The following NUTM2F variants were observed in gnomAD, a reference collection of about 807,000 sequenced individuals.
NUTM2F encodes the protein family with sequence similarity 22, member F.
A neutral mutation model predicts 43.3 loss-of-function variants in NUTM2F; 22 were observed. The observed-to-expected ratio is 0.51, with a 90% CI of 0.36 to 0.73. The LOEUF (loss-of-function observed/expected upper bound fraction) is 0.73. NUTM2F is among the 30% of genes least tolerant of loss of function. NUTM2F has a pLI of 0.00. For synonymous variants in NUTM2F, 202 were observed against 389.0 expected (o/e 0.52, Z 5.66); for missense variants, 488 against 927.4 (o/e 0.53, Z 6.15).
At chr9:94,324,996 A>G (rs533603926) in intron 2 of NUTM2F, among the ~76,000 whole-genome samples, 27 of 145,550 alleles carry the variant, frequency 1.9e-4, no homozygotes, top group African/African-American at 7.0e-4. Flanking sequence ...TCAAAAAAAA[A>G]AAAAAAATTA....
At position 94,320,312 on chromosome 9, in the gene NUTM2F, T is replaced by C. The variant is rs758144739; in HGVS notation, c.1264A>G (p.Lys422Glu). 1.2e-5 allele frequency: 20 copies of C among 1,613,878 alleles called. No homozygotes were observed. The highest frequency in any genetic ancestry group is 1.0e-4 in the Admixed American group (6 of 60,016). Residue 422 changes from lysine to glutamate, a missense_variant, in exon 5 of 7, where the codon AAG becomes GAG. Physicochemically the swap from Lys to Glu is moderately conservative, Grantham distance 56. Transcript: ENST00000253262. The surrounding 1 kb of genome is among the most constrained non-coding windows in gnomAD (Gnocchi z 4.5). ...DTGEPEGQRE[K>E]GKVEQPQEED... ...TCCTGCGGCTGCTCCACTTTGCCCT[T>C]TTCCCGTTGTCCCTCAGGCTCCCCT...
rs747124093 is a variant in NUTM2F, at chr9:94,320,513, T to C, written c.1063A>G (p.Lys355Glu). The C allele has an allele frequency of 9.9e-5, 160 of 1,611,368 alleles. No individual in the cohort carries two copies. Among genetic ancestry groups the C allele is most frequent in the Non-Finnish European group, 1.3e-4 (148 of 1,179,690 alleles). Reference protein sequence around the residue: ...PPRPQRPAETKAHLPPPRPQR... With the variant: ...PPRPQRPAETEAHLPPPRPQR... ...GGCCTGGGTGGTGGCAGGTGGGCCTTGGTCTCCGCTGGCCTCTGGGGCCTG... is the reference window on the plus strand; with the variant it reads ...GGCCTGGGTGGTGGCAGGTGGGCCTCGGTCTCCGCTGGCCTCTGGGGCCTG... The change falls in exon 5 of 7, where the codon AAG (lysine) becomes GAG (glutamate). Residue 355 changes from lysine to glutamate, a missense_variant. Physicochemically the swap from Lys to Glu is moderately conservative, Grantham distance 56. Coordinates refer to ENST00000253262, the MANE Select transcript of NUTM2F (RefSeq NM_017561.2). The surrounding 1 kb of genome is among the most constrained non-coding windows in gnomAD (Gnocchi z 4.5).
In NUTM2F at chr9:94,321,239, G is replaced by A. The variant is rs1193480881; in HGVS notation, c.843-7C>T. ...AGCCTCAAATTCCAGGAACCTGTGG[G>A]TGAAGGAGGCCCAGGCTGTGCTGAG... On this transcript the variant is annotated splice_region_variant and splice_polypyrimidine_tract_variant and intron_variant, in intron 3 of 6. Coordinates refer to ENST00000253262, the MANE Select transcript of NUTM2F (RefSeq NM_017561.2). 1 of 1,577,328 alleles carries A rather than the reference G, an allele frequency of 6.3e-7. No individual in the cohort carries two copies. The highest frequency in any genetic ancestry group is 8.5e-7 in the Non-Finnish European group (1 of 1,169,796).
In NUTM2F at chr9:94,325,751, C is replaced by T. The variant is rs1200570215; in HGVS notation, c.200G>A (p.Gly67Glu). Residue 67 changes from glycine to glutamate, a missense_variant, in exon 2 of 7, where the codon GGA becomes GAA. Transcript: ENST00000253262. The part of the protein sequence containing the change: ...SAFPSTPLVA[G>E]QDGRGPSGAG... The stretch of plus-strand genomic sequence containing the variant: ...CCCACTCGGGCCGCGGCCATCCTGT[C>T]CTGCCACTAGAGGGGTGCTGGGGAA... The T allele has an allele frequency of 6.2e-7, 1 of 1,612,048 alleles. No homozygotes were observed. Among genetic ancestry groups the T allele is most frequent in the Non-Finnish European group, 8.5e-7 (1 of 1,179,860 alleles).
chr9:94,320,960 A>G lies in NUTM2F; in HGVS notation c.982+133T>C, dbSNP rs530499022. 4,984 of 1,432,118 alleles carry G rather than the reference A, an allele frequency of 3.5e-3. 13 individuals carry two copies. The highest frequency in any genetic ancestry group is 4.3e-3 in the Non-Finnish European group (4,665 of 1,091,214). The allele number at this position is 1,432,118 out of a possible 1,614,324, so 88.7% of individuals were successfully genotyped here. A position where few individuals can be genotyped will look rare whatever the true frequency, so the allele number is the denominator to read the frequency against. ...TATTCACCTGGTCAATACCCAACAT[A>G]CACTCCCGGAAGCTGTCCTGTTGGA... On this transcript the variant is annotated intron_variant, in intron 4 of 6. Coordinates refer to ENST00000253262, the MANE Select transcript of NUTM2F (RefSeq NM_017561.2). The surrounding 1 kb of genome is among the most constrained non-coding windows in gnomAD (Gnocchi z 4.5).
chr9:94,320,903 G>C lies in NUTM2F; in HGVS notation c.982+190C>G, dbSNP rs1449814204. ...GGAAACTTGGCCCGGTCAATACCCT[G>C]CTTCGTGATCACGGGCCACCCATGA... On this transcript the variant is annotated intron_variant, in intron 4 of 6. Coordinates refer to ENST00000253262, the MANE Select transcript of NUTM2F (RefSeq NM_017561.2). The surrounding 1 kb of genome is among the most constrained non-coding windows in gnomAD (Gnocchi z 4.5). Among the ~76,000 whole-genome samples, 1 of 152,202 alleles carries C rather than the reference G, an allele frequency of 6.6e-6. No individual in the cohort carries two copies. Among genetic ancestry groups the C allele is most frequent in the Non-Finnish European group, 1.5e-5 (1 of 68,030 alleles).
chr9:94,321,169 G>A lies in NUTM2F; in HGVS notation c.906C>T (p.Pro302=). The change falls in exon 4 of 7, where the codon CCC becomes CCT. Residue 302 remains proline (P), a synonymous_variant. Coordinates refer to ENST00000253262, the MANE Select transcript of NUTM2F (RefSeq NM_017561.2). Reference sequence around the variant, plus strand: ...GCGGGGCTGGAGGAGGCAGGCTCTGGGGCCCCTTCATCCACTGCGATTTCT... The same window carrying A: ...GCGGGGCTGGAGGAGGCAGGCTCTGAGGCCCCTTCATCCACTGCGATTTCT... ...QIQKSQWMKG[P]QSLPPPAPPR... is the part of the protein sequence containing the mutation. 1.3e-6 allele frequency: 2 copies of A among 1,554,594 alleles called. No homozygotes were observed. Among genetic ancestry groups the A allele is most frequent in the South Asian group, 1.2e-5 (1 of 85,616 alleles).
At chr9:94,322,760 A>C (rs1313472629) in intron 2 of NUTM2F, among the ~76,000 whole-genome samples, 1 of 151,966 alleles carries the variant, frequency 6.6e-6, no homozygotes, top group Non-Finnish European at 1.5e-5. Context: ...ACAAGAGCAC[A>C]CAGCCAGAGG....
intron 2 of NUTM2F, among the ~76,000 whole-genome samples, chr9:94,324,389 A>G (rs1831421838): frequency 6.8e-6 from 1 of 146,906 alleles, no homozygotes; most frequent in East Asian, 2.1e-4. Context: ...AAAGCCAGGC[A>G]CGGTGGCTCA....
chr9:94,326,350 A>G (rs554538555), intron 1 of NUTM2F, among the ~76,000 whole-genome samples: 1 of 151,824 alleles, frequency 6.6e-6, no homozygotes, highest in Admixed American at 6.6e-5. Context: ...GAAGGCCGAC[A>G]GGAAACCAGA....
intron 1 of NUTM2F, among the ~76,000 whole-genome samples, chr9:94,326,341 A>G (rs1328426449): frequency 1.3e-5 from 2 of 151,630 alleles, no homozygotes; most frequent in Non-Finnish European, 2.9e-5. Context: ...CGGCATTCAG[A>G]AGGCCGACAG....
chr9:94,323,964 T>A (rs1831416238), intron 2 of NUTM2F, among the ~76,000 whole-genome samples: 1 of 152,010 alleles, frequency 6.6e-6, no homozygotes, highest in Non-Finnish European at 1.5e-5. Context: ...GGCACTGGGG[T>A]GTACACTCAA....
At chr9:94,322,752 A>C (rs1262497573) in intron 2 of NUTM2F, among the ~76,000 whole-genome samples, 1 of 151,942 alleles carries the variant, frequency 6.6e-6, no homozygotes, top group Admixed American at 6.6e-5. Context: ...TCTCAGCCAC[A>C]AGAGCACACA....
rs1001051285 is a variant in NUTM2F at position 94,320,790 on chromosome 9, C to T, written c.983-197G>A. Among the ~76,000 whole-genome samples the T allele has an allele frequency of 2.0e-5, 3 of 152,124 alleles. No individual in the cohort carries two copies. Among genetic ancestry groups the T allele is most frequent in the African/African-American group, 7.2e-5 (3 of 41,416 alleles). On this transcript the variant is annotated intron_variant, in intron 4 of 6. Transcript: ENST00000253262. The surrounding 1 kb of genome is among the most constrained non-coding windows in gnomAD (Gnocchi z 4.5). ...CGCTTGGGAGGAAGTTTGGAGCCAC[C>T]GATATGCCGTGTACTCTCCCCGCTC...
Position 94,319,072 on chromosome 9 carries a change from GCT to G in NUTM2F, c.1662_1663del (p.Ala555CysfsTer73), listed in dbSNP as rs1199782666. 2.3e-5 allele frequency: 21 copies of G among 927,934 alleles called. 1 individual carries two copies. The Admixed American group carries it at 5.2e-4, about 23-fold the overall frequency. 57.5% of individuals were successfully genotyped at this position (927,934 alleles called of 1,614,324 possible). A position where few individuals can be genotyped will look rare whatever the true frequency, so the allele number is the denominator to read the frequency against. ...GCCCTGTCCCTGAGGGTCCTGGGCAGCTGTCTGGGGTGGGGAGGTTTCCACGC... is the reference window on the plus strand; with the variant it reads ...GCCCTGTCCCTGAGGGTCCTGGGCAGGTCTGGGGTGGGGAGGTTTCCACGC... On this transcript the variant is annotated frameshift_variant, in exon 7 of 7. Coordinates refer to ENST00000253262, the MANE Select transcript of NUTM2F (RefSeq NM_017561.2). LOFTEE classifies it low-confidence loss of function (END_TRUNC).
At chr9:94,323,212 C>T (rs958990318) in intron 2 of NUTM2F, among the ~76,000 whole-genome samples, 2 of 151,884 alleles carry the variant, frequency 1.3e-5, no homozygotes, top group Non-Finnish European at 2.9e-5. Context: ...TCAGGGTCCC[C>T]AGTGCACCGG....
rs1831441198 is a variant in NUTM2F, at chr9:94,325,585, T to G, written c.366A>C (p.Pro122=). 6.4e-7 allele frequency: 1 copy of G among 1,566,398 alleles called. No individual in the cohort carries two copies. Among genetic ancestry groups the G allele is most frequent in the Non-Finnish European group, 8.6e-7 (1 of 1,158,776 alleles). ...PGTLCGGVMC[P]PPLLLAAAPG... is the part of the protein sequence containing the mutation. ...GAGCAGCTGCCAGGAGTAGGGGAGGTGGACACATGACACCTCCACAGAGGG... is the reference window on the plus strand; with the variant it reads ...GAGCAGCTGCCAGGAGTAGGGGAGGGGGACACATGACACCTCCACAGAGGG... The change falls in exon 2 of 7, where the codon CCA becomes CCC. Residue 122 remains proline, a synonymous_variant. Coordinates refer to ENST00000253262, the MANE Select transcript of NUTM2F (RefSeq NM_017561.2).
Position 94,322,188 on chromosome 9 carries a change from AC to A in NUTM2F, c.842+12del. 2 of 1,610,924 alleles carry A rather than the reference AC, an allele frequency of 1.2e-6. No individual in the cohort carries two copies. Among genetic ancestry groups the A allele is most frequent in the East Asian group, 2.2e-5 (1 of 44,862 alleles). On this transcript the variant is annotated intron_variant, in intron 3 of 6. Coordinates refer to ENST00000253262, the MANE Select transcript of NUTM2F (RefSeq NM_017561.2). Reference sequence around the variant, plus strand: ...CCGCCACACGGGCCCTGCCCCCAGGACCCCAGACTCACTTTTCCGCCATCTC... The same window carrying A: ...CCGCCACACGGGCCCTGCCCCCAGGACCCAGACTCACTTTTCCGCCATCTC...
intron 6 of NUTM2F, 138 bp downstream of exon 6, chr9:94,319,475 G>A (rs1387748951): frequency 4.4e-6 from 3 of 680,536 alleles, no homozygotes; most frequent in Admixed American, 2.6e-5. Flanking sequence ...CTCTGAACCT[G>A]CATCTTCCCA....
Sources: gnomAD v4.1 joint callset for allele counts (sites outside exome capture counted in the v4.1 genomes callset) on GRCh38, gnomAD v4.1.1 for gene constraint, Gnocchi (gnomAD v3.1) non-coding constraint, MANE v1.5 for transcripts, NCBI Gene and HGNC (gene_info 2026-07-23, HGNC 2026-07-21) for gene names.